The following COL11A1 variants were observed in gnomAD, a reference collection of about 807,000 sequenced individuals.
COL11A1 encodes collagen alpha-1(XI) chain.
COL11A1 carries 74 observed loss-of-function variants against 265.2 expected under a neutral mutation model. The ratio of observed to expected loss-of-function variants is 0.28; its 90% CI spans 0.23 to 0.34. The LOEUF (loss-of-function observed/expected upper bound fraction) is 0.34, where lower values mean the gene tolerates loss of function less well. Ranked by LOEUF, COL11A1 falls within the 10% of genes least tolerant of loss-of-function variation. COL11A1 has a pLI of 1.00. For synonymous variants in COL11A1, 816 were observed against 727.6 expected (o/e 1.12, Z -1.96); for missense variants, 2,165 against 2,263.6 (o/e 0.96, Z 0.88).
intron 1 of COL11A1, among the ~76,000 whole-genome samples, chr1:103,102,011 A>G (rs961560042): frequency 6.6e-6 from 1 of 152,080 alleles, no homozygotes; most frequent in African/African-American, 2.4e-5. Context: ...CCAAGTTAGT[A>G]GTAGGCCAAA....
At chr1:102,900,100 G>A (rs535245443) in intron 54 of COL11A1, among the ~76,000 whole-genome samples, 10 of 152,032 alleles carry the variant, frequency 6.6e-5, no homozygotes, top group South Asian at 4.2e-4. Context: ...TCAATTCCAC[G>A]AACTCATTTT....
At position 103,078,785 on chromosome 1, in the gene COL11A1, C is replaced by T. The variant is rs762173332; in HGVS notation, c.361G>A (p.Glu121Lys). 1.9e-5 allele frequency: 31 copies of T among 1,612,540 alleles called. No homozygotes were observed. The South Asian group carries it at 3.0e-4, about 15-fold the overall frequency. ...ACACCAATTTGCTGAATACCATGCT[C>T]ATTATATATAGATAAAAGGAAAGAC... is the stretch of plus-strand genomic sequence containing the variant. Reference protein sequence around the residue: ...IQSFLLSIYNEHGIQQIGVEV... With the variant: ...IQSFLLSIYNKHGIQQIGVEV... The change falls in exon 3 of 67, where the codon GAG becomes AAG. Residue 121 changes from glutamate to lysine, a missense_variant. Coordinates refer to ENST00000370096, the MANE Select transcript of COL11A1 (RefSeq NM_001854.4).
At chr1:103,071,689 C>G (rs1475859058) in intron 4 of COL11A1, among the ~76,000 whole-genome samples, 1 of 151,246 alleles carries the variant, frequency 6.6e-6, no homozygotes, top group Non-Finnish European at 1.5e-5. Context: ...AGCAGACAGA[C>G]AGAGGGACCC....
At chr1:103,066,351 A>T (rs1671145168) in intron 4 of COL11A1, among the ~76,000 whole-genome samples, 1 of 152,012 alleles carries the variant, frequency 6.6e-6, no homozygotes, top group Non-Finnish European at 1.5e-5. Flanking sequence ...CAACTGTACC[A>T]CAAAGATCAG....
chr1:103,037,512 G>A (rs1274311056), intron 4 of COL11A1, among the ~76,000 whole-genome samples: 1 of 152,100 alleles, frequency 6.6e-6, no homozygotes, highest in Non-Finnish European at 1.5e-5. Flanking sequence ...ACCAGCCTGT[G>A]ATACTGTCTT....
rs534885599 is a variant in COL11A1 at position 103,079,148 on chromosome 1, C to T, written c.275-277G>A. On this transcript the variant is annotated intron_variant, in intron 2 of 66. Coordinates refer to ENST00000370096, the MANE Select transcript of COL11A1 (RefSeq NM_001854.4). ...GGTTTAGGCAACAGGATTATGATAC[C>T]AGTAAATATCAAACACATAACCACC... Among the ~76,000 whole-genome samples, 5 of 152,112 alleles carry T rather than the reference C, an allele frequency of 3.3e-5. No individual in the cohort carries two copies. In the South Asian group the frequency reaches 1.0e-3, roughly 32 times the overall value.
rs1668221883 is a variant in COL11A1, at chr1:103,034,606, T to C, written c.652-3362A>G. On this transcript the variant is annotated intron_variant, in intron 4 of 66. Coordinates refer to ENST00000370096, the MANE Select transcript of COL11A1 (RefSeq NM_001854.4). ...ACATTGTCATACTTGCTGTTAGTTATTTAGTCATGTTTTTTACGTTTTTTT... is the reference window on the plus strand; with the variant it reads ...ACATTGTCATACTTGCTGTTAGTTACTTAGTCATGTTTTTTACGTTTTTTT... 4.0e-5 allele frequency among the ~76,000 whole-genome samples: 6 copies of C among 151,602 alleles called. No homozygotes were observed. The South Asian group carries it at 1.2e-3, about 32-fold the overall frequency.
rs908280510 is a variant in COL11A1, at chr1:103,015,811, T to C, written c.1414-69A>G. The C allele has an allele frequency of 1.6e-5, 19 of 1,169,116 alleles. 1 individual carries two copies. The highest frequency in any genetic ancestry group is 2.3e-5 in the Non-Finnish European group (19 of 814,314). The allele number at this position is 1,169,116 out of a possible 1,614,324, so 72.4% of individuals were successfully genotyped here. On this transcript the variant is annotated intron_variant, in intron 11 of 66. Coordinates refer to ENST00000370096, the MANE Select transcript of COL11A1 (RefSeq NM_001854.4). ...TAATATTTACTAGAACTAGAATAACTTATAACGTAAGTCTACTTTATCTAA... is the reference window on the plus strand; with the variant it reads ...TAATATTTACTAGAACTAGAATAACCTATAACGTAAGTCTACTTTATCTAA...
At chr1:102,916,890 T>A (rs764396433) in intron 49 of COL11A1, among the ~76,000 whole-genome samples, 10 of 151,970 alleles carry the variant, frequency 6.6e-5, no homozygotes, top group Non-Finnish European at 1.5e-4. Context: ...AATGTAATGA[T>A]GTTAGTGATG....
intron 63 of COL11A1, among the ~76,000 whole-genome samples, chr1:102,885,505 T>G (rs756786527): frequency 2.0e-5 from 3 of 152,154 alleles, no homozygotes; most frequent in Non-Finnish European, 2.9e-5. Context: ...TACTTGTATA[T>G]AAACAGGAAA....
chr1:102,962,636 T>C lies in COL11A1; in HGVS notation c.3024+17A>G, dbSNP rs1661028529. ...TAAAGTTTTGGGCCAAAAAAAGTTT[T>C]CTGAAGCATGTTGTACCTTTGCACC... On this transcript the variant is annotated intron_variant, in intron 39 of 66. Transcript: ENST00000370096. 6.2e-7 allele frequency: 1 copy of C among 1,613,672 alleles called. No individual in the cohort carries two copies. Among genetic ancestry groups the C allele is most frequent in the African/African-American group, 1.3e-5 (1 of 75,042 alleles).
At chr1:102,928,084 G>A (rs1414980407) in intron 46 of COL11A1, among the ~76,000 whole-genome samples, 1 of 151,836 alleles carries the variant, frequency 6.6e-6, no homozygotes, top group African/African-American at 2.4e-5. Context: ...CCTATGAGAG[G>A]ACCCTTCTAA....
intron 46 of COL11A1, among the ~76,000 whole-genome samples, chr1:102,928,605 T>C (rs1656945189): frequency 6.6e-6 from 1 of 152,126 alleles, no homozygotes; most frequent in African/African-American, 2.4e-5. Context: ...TTTGCATATA[T>C]ACCCAGTAAT....
intron 4 of COL11A1, among the ~76,000 whole-genome samples, chr1:103,067,986 A>G (rs1671282120): frequency 6.6e-6 from 1 of 151,636 alleles, no homozygotes; most frequent in South Asian, 2.1e-4. Flanking sequence ...AGGGCCCTGA[A>G]ATTTTCACTG....
chr1:102,975,792 G>A (rs1243947519), intron 35 of COL11A1, among the ~76,000 whole-genome samples: 1 of 152,056 alleles, frequency 6.6e-6, no homozygotes, highest in Non-Finnish European at 1.5e-5. Context: ...AGAGTTTACT[G>A]AAGTTGGCCT....
Position 102,987,576 on chromosome 1 carries a change from AATGATAATGAAAC to A in COL11A1, c.2502+44_2502+56del. The stretch of plus-strand genomic sequence containing the variant: ...GACACCAGTTATTGAAAGAAATTTA[AATGATAATGAAAC>A]ATCAGCTGCAAGAGTACCAGTGAAT... On this transcript the variant is annotated intron_variant, in intron 30 of 66. Coordinates refer to ENST00000370096, the MANE Select transcript of COL11A1 (RefSeq NM_001854.4). 2.3e-6 allele frequency: 3 copies of A among 1,288,476 alleles called. No homozygotes were observed. In the South Asian group the frequency reaches 3.6e-5, roughly 15 times the overall value. The allele number at this position is 1,288,476 out of a possible 1,614,324, so 79.8% of individuals were successfully genotyped here. A position where few individuals can be genotyped will look rare whatever the true frequency, so the allele number is the denominator to read the frequency against.
intron 35 of COL11A1, among the ~76,000 whole-genome samples, chr1:102,976,083 A>C (rs1219451672): frequency 6.6e-6 from 1 of 152,050 alleles, no homozygotes; most frequent in African/African-American, 2.4e-5. Flanking sequence ...TTTAAGTACA[A>C]ATTTTTAAAA....
rs181832170 is a variant in COL11A1, at chr1:103,089,948, A to G, written c.107-6976T>C. Among the ~76,000 whole-genome samples the G allele has an allele frequency of 5.3e-3, 799 of 152,140 alleles. 8 individuals carry two copies. The highest frequency in any genetic ancestry group is 0.018 in the African/African-American group (766 of 41,518). On this transcript the variant is annotated intron_variant, in intron 1 of 66. Transcript: ENST00000370096. ...AGTCCAGCCTGGCCAACATGGCGAA[A>G]CCCTGTCTCTACTAAAAATACAAAA...
At chr1:103,030,144 T>C (rs967186360) in intron 5 of COL11A1, among the ~76,000 whole-genome samples, 1 of 152,048 alleles carries the variant, frequency 6.6e-6, no homozygotes, top group African/African-American at 2.4e-5. Context: ...ATGAAGTACA[T>C]GATAACTGTG....
Sources: allele counts gnomAD v4.1 joint callset (sites outside exome capture counted in the v4.1 genomes callset), GRCh38; gene constraint gnomAD v4.1.1; transcripts MANE v1.5; gene names NCBI Gene and HGNC (gene_info 2026-07-23, HGNC 2026-07-21).